Variants in MGAT4C observed in about 807,000 individuals in gnomAD.
MGAT4C encodes the protein MGAT4 family member C.
A neutral mutation model predicts 40.1 loss-of-function variants in MGAT4C; 19 were observed. That is an observed-to-expected ratio of 0.47 (90% CI 0.33 to 0.70). The LOEUF (loss-of-function observed/expected upper bound fraction) is 0.70, where lower values mean the gene tolerates loss of function less well. Ranked by LOEUF, MGAT4C falls within the 30% of genes least tolerant of loss-of-function variation. The pLI, the probability that MGAT4C is intolerant of heterozygous loss-of-function variation, is 0.02. For synonymous variants in MGAT4C, 181 were observed against 187.1 expected, an observed-to-expected ratio of 0.97 and a Z score of 0.27; for missense variants, 491 against 563.2, an observed-to-expected ratio of 0.87 and a Z score of 1.30.
chr12:86,328,410 A>G (rs958429765), intron 4 of MGAT4C, among the ~76,000 whole-genome samples: 2 of 152,190 alleles, frequency 1.3e-5, no homozygotes, highest in African/African-American at 4.8e-5. Context: ...GTATGTCTAT[A>G]GAAAAGTCTA....
intron 2 of MGAT4C, among the ~76,000 whole-genome samples, chr12:86,670,121 A>C (rs1318748056): frequency 2.0e-5 from 3 of 152,204 alleles, no homozygotes; most frequent in Non-Finnish European, 2.9e-5. Flanking sequence ...AATGAGAATG[A>C]ACCAACACAA....
intron 1 of MGAT4C, among the ~76,000 whole-genome samples, chr12:86,222,994 C>T (rs920117375): frequency 2.1e-4 from 32 of 152,148 alleles, no homozygotes; most frequent in African/African-American, 7.5e-4. Flanking sequence ...TCAAGGCTAA[C>T]AGAGGGAGCT....
intron 3 of MGAT4C, among the ~76,000 whole-genome samples, chr12:86,397,568 A>G (rs55939171): frequency 0.11 from 15,953 of 151,864 alleles, 1,034 homozygotes; most frequent in Middle Eastern, 0.25. Context: ...ATGTTTATTC[A>G]CCCTACTTCT....
chr12:86,171,381 T>A (rs1425992603), intron 1 of MGAT4C, among the ~76,000 whole-genome samples: 3 of 151,868 alleles, frequency 2.0e-5, no homozygotes, highest in Admixed American at 2.0e-4. Flanking sequence ...AAAAAATAAA[T>A]AAATAAATAG....
intron 3 of MGAT4C, among the ~76,000 whole-genome samples, chr12:86,383,057 A>G (rs1277105185): frequency 7.2e-5 from 11 of 152,202 alleles, no homozygotes. Context: ...TCAGAATGGT[A>G]GATCCACTGA....
intron 3 of MGAT4C, among the ~76,000 whole-genome samples, chr12:86,378,536 A>G (rs1955873028): frequency 6.6e-6 from 1 of 152,164 alleles, no homozygotes; most frequent in Non-Finnish European, 1.5e-5. Context: ...AAACACGATG[A>G]CTTCATTTTA....
intron 1 of MGAT4C, among the ~76,000 whole-genome samples, chr12:86,125,609 T>C (rs545554300): frequency 5.2e-4 from 79 of 152,286 alleles, no homozygotes; most frequent in African/African-American, 1.7e-3. Context: ...GACTACGTTA[T>C]AGAAAAAGAA....
chr12:86,276,067 G>T (rs1302086874), intron 4 of MGAT4C, among the ~76,000 whole-genome samples: 1 of 149,468 alleles, frequency 6.7e-6, no homozygotes, highest in Non-Finnish European at 1.5e-5. Flanking sequence ...GCAGTGAGCC[G>T]AGATTGCGCC....
intron 1 of MGAT4C, among the ~76,000 whole-genome samples, chr12:86,768,224 C>G (rs1951553102): frequency 1.3e-5 from 2 of 152,084 alleles, no homozygotes. Context: ...ACACCAATAG[C>G]AGACAAACAG....
intron 3 of MGAT4C, among the ~76,000 whole-genome samples, chr12:86,340,830 A>T (rs1024709185): frequency 1.3e-4 from 20 of 152,288 alleles, no homozygotes; most frequent in African/African-American, 4.8e-4. Context: ...GAGAGACATA[A>T]AGGAGTTCAG....
chr12:86,194,239 TA>T (rs1472722295), intron 1 of MGAT4C, among the ~76,000 whole-genome samples: 1 of 151,974 alleles, frequency 6.6e-6, no homozygotes, highest in Non-Finnish European at 1.5e-5. Flanking sequence ...CATAGTTATT[TA>T]AAAACATCTA....
At chr12:86,483,711 G>T (rs1957971783) in intron 2 of MGAT4C, among the ~76,000 whole-genome samples, 1 of 150,348 alleles carries the variant, frequency 6.7e-6, no homozygotes, top group African/African-American at 2.5e-5. Context: ...TTTATTTGCA[G>T]AACTTTAGAC....
chr12:86,766,132 G>A (rs1426939928), intron 1 of MGAT4C, among the ~76,000 whole-genome samples: 1 of 152,046 alleles, frequency 6.6e-6, no homozygotes, highest in African/African-American at 2.4e-5. Context: ...CATCTCACGT[G>A]CAGAGACACA....
rs1956010026 is a variant in MGAT4C, at chr12:86,384,206, T to C, written c.-119-50079A>G. Among the ~76,000 whole-genome samples the C allele has an allele frequency of 2.0e-5, 3 of 152,176 alleles. No homozygotes were observed. In the South Asian group the frequency reaches 6.2e-4, roughly 32 times the overall value. On this transcript the variant is annotated intron_variant, in intron 3 of 7. Transcript: ENST00000548651. ...AAATTGCCCAGTCTCAGGTATGTTTTTATCAGCAGTGTGAAAACTGACTAA... is the reference window on the plus strand; with the variant it reads ...AAATTGCCCAGTCTCAGGTATGTTTCTATCAGCAGTGTGAAAACTGACTAA...
chr12:86,152,784 T>TA (rs1426882079), intron 1 of MGAT4C, among the ~76,000 whole-genome samples: 1 of 152,210 alleles, frequency 6.6e-6, no homozygotes, highest in East Asian at 1.9e-4. Context: ...ATGTCCTTGT[T>TA]AACACATATG....
rs568085090 is a variant in MGAT4C at position 86,753,593 on chromosome 12, G to A, written c.-261-26352C>T. Among the ~76,000 whole-genome samples the A allele has an allele frequency of 2.0e-5, 3 of 151,922 alleles. No homozygotes were observed. In the East Asian group the frequency reaches 5.8e-4, roughly 30 times the overall value. ...AGCCCGAGATGGTCTCGGCAGTCAC[G>A]CAATGGGAGACTATTTCAAAGCATA... On this transcript the variant is annotated intron_variant, in intron 1 of 7. Transcript: ENST00000548651.
rs1160642603 is a variant in MGAT4C at position 86,068,807 on chromosome 12, T to C, written c.-56-19084A>G. ...TCTACTTTGCTGCCCTGTCCCCTTT[T>C]ACCTGTAGCAGTACAGTCTATGAAA... On this transcript the variant is annotated intron_variant, in intron 1 of 4. Coordinates refer to ENST00000611864, the MANE Select transcript of MGAT4C (RefSeq NM_001351288.2). 2.6e-5 allele frequency among the ~76,000 whole-genome samples: 4 copies of C among 152,204 alleles called. 1 individual carries two copies. The South Asian group carries it at 6.2e-4, about 24-fold the overall frequency.
chr12:85,979,446 G>A lies in MGAT4C; in HGVS notation c.1280C>T (p.Ser427Phe). The change falls in exon 5 of 5, where the codon TCT (serine) becomes TTT (phenylalanine). Residue 427 changes from serine (S) to phenylalanine (F), a missense_variant. By Grantham distance (155) the Ser-to-Phe change is radical. Coordinates refer to ENST00000611864, the MANE Select transcript of MGAT4C (RefSeq NM_001351288.2). ...GAATTCTCCTAGTCTTAAGTAAGTA[G>A]AACATTGTCTCCTTTGTTTGCTAGG... ...VMPSKQRRQC[S>F]TYLRLGEFKN... 6.2e-7 allele frequency: 1 copy of A among 1,613,354 alleles called. No homozygotes were observed. Among genetic ancestry groups the A allele is most frequent in the Non-Finnish European group, 8.5e-7 (1 of 1,179,578 alleles).
At chr12:85,991,915 A>G (rs1458813682) in intron 2 of MGAT4C, among the ~76,000 whole-genome samples, 1 of 152,170 alleles carries the variant, frequency 6.6e-6, no homozygotes, top group Non-Finnish European at 1.5e-5. Context: ...AGTTTTCACC[A>G]TCCTGATGAC....
Sources: allele counts gnomAD v4.1 joint callset (sites outside exome capture counted in the v4.1 genomes callset), GRCh38; gene constraint gnomAD v4.1.1; transcripts MANE v1.5; gene names NCBI Gene and HGNC (gene_info 2026-07-23, HGNC 2026-07-21).